Variants in KCNH5 observed in about 807,000 individuals in gnomAD.
KCNH5 encodes the protein voltage-gated delayed rectifier potassium channel KCNH5.
Under a neutral mutation model 96.1 loss-of-function variants are expected in KCNH5, and 46 were observed. The ratio of observed to expected loss-of-function variants is 0.48; its 90% CI spans 0.38 to 0.61. The LOEUF (loss-of-function observed/expected upper bound fraction) is 0.61, where lower values mean the gene tolerates loss of function less well. Among genes scored for constraint, KCNH5 ranks in the 20% least tolerant of loss-of-function variants. The pLI is 0.00. For synonymous variants in KCNH5, 439 were observed against 449.8 expected, an observed-to-expected ratio of 0.98 and a Z score of 0.30; for missense variants, 907 against 1,225.8, an observed-to-expected ratio of 0.74 and a Z score of 3.88.
intron 7 of KCNH5, among the ~76,000 whole-genome samples, chr14:62,854,160 C>CTTATTTAT (rs909671051): frequency 9.9e-5 from 15 of 151,952 alleles, no homozygotes; most frequent in African/African-American, 3.4e-4. Flanking sequence ...ACTTACATTA[C>CTTATTTAT]TTATTTATTT....
chr14:62,971,123 T>A (rs1462939021), intron 6 of KCNH5, among the ~76,000 whole-genome samples: 2 of 152,032 alleles, frequency 1.3e-5, no homozygotes, highest in African/African-American at 4.8e-5. Flanking sequence ...AAAATATGAA[T>A]AAATTGACCA....
At chr14:62,930,747 T>A (rs545381136) in intron 7 of KCNH5, among the ~76,000 whole-genome samples, 2 of 152,268 alleles carry the variant, frequency 1.3e-5, no homozygotes, top group Admixed American at 1.3e-4. Context: ...TTTTTTTAAA[T>A]TTAGTTCACA....
At chr14:62,911,773 A>G (rs1595681240) in intron 7 of KCNH5, among the ~76,000 whole-genome samples, 1 of 151,482 alleles carries the variant, frequency 6.6e-6, no homozygotes, top group East Asian at 1.9e-4. Context: ...ACGGTGGCTC[A>G]CACCTGTAAT....
chr14:62,779,947 T>C, intron 9 of KCNH5, 23 bp from the exon 10 acceptor site: 2 of 1,580,062 alleles, frequency 1.3e-6, no homozygotes, highest in Non-Finnish European at 1.7e-6. Flanking sequence ...ATAAGATACA[T>C]ATTCAAGTAT....
At chr14:62,892,957 T>G (rs1311722518) in intron 7 of KCNH5, among the ~76,000 whole-genome samples, 1 of 152,220 alleles carries the variant, frequency 6.6e-6, no homozygotes, top group Admixed American at 6.5e-5. Flanking sequence ...AATATTGTTT[T>G]CATACCTGCT....
At chr14:62,837,959 T>C (rs1403074919) in intron 8 of KCNH5, among the ~76,000 whole-genome samples, 1 of 152,166 alleles carries the variant, frequency 6.6e-6, no homozygotes, top group African/African-American at 2.4e-5. Flanking sequence ...GTTTCTCATT[T>C]AACAGTGACT....
intron 8 of KCNH5, among the ~76,000 whole-genome samples, chr14:62,849,153 TG>T (rs1223971320): frequency 2.0e-5 from 3 of 152,074 alleles, no homozygotes; most frequent in African/African-American, 7.2e-5. Flanking sequence ...TAAGGTAAAG[TG>T]GAAAATAAAG....
At chr14:62,937,178 G>T (rs1461223472) in intron 7 of KCNH5, among the ~76,000 whole-genome samples, 2 of 152,006 alleles carry the variant, frequency 1.3e-5, no homozygotes, top group Non-Finnish European at 2.9e-5. Context: ...GCAGTTGCTT[G>T]CCCTGAAAGC....
chr14:63,009,471 G>A (rs183134443), intron 2 of KCNH5, among the ~76,000 whole-genome samples: 97 of 147,964 alleles, frequency 6.6e-4, no homozygotes, highest in African/African-American at 2.3e-3. Context: ...TCCGAATGCG[G>A]TTTTTAAAAT....
chr14:62,709,639 G>C (rs1884528442), intron 10 of KCNH5, among the ~76,000 whole-genome samples: 2 of 152,272 alleles, frequency 1.3e-5, no homozygotes, highest in South Asian at 2.1e-4. Flanking sequence ...TGAGGGGTTA[G>C]ATATCCACAA....
intron 7 of KCNH5, among the ~76,000 whole-genome samples, chr14:62,894,496 C>T (rs1285660551): frequency 6.6e-6 from 1 of 152,192 alleles, no homozygotes; most frequent in Non-Finnish European, 1.5e-5. Context: ...AGATTCCCTC[C>T]ATCTCAAGTG....
chr14:62,967,710 A>G (rs1029773217), intron 6 of KCNH5, among the ~76,000 whole-genome samples: 2 of 152,178 alleles, frequency 1.3e-5, no homozygotes, highest in Admixed American at 6.5e-5. Context: ...CAAAACTATG[A>G]TTTCTCAAGC....
chr14:62,906,276 T>C (rs1445187128), intron 7 of KCNH5, among the ~76,000 whole-genome samples: 1 of 152,120 alleles, frequency 6.6e-6, no homozygotes, highest in South Asian at 2.1e-4. Flanking sequence ...ACAAATATAG[T>C]ATGTCTGTGT....
chr14:62,898,047 G>GT (rs1888850931), intron 7 of KCNH5, among the ~76,000 whole-genome samples: 1 of 152,172 alleles, frequency 6.6e-6, no homozygotes, highest in African/African-American at 2.4e-5. Flanking sequence ...CACCTGCTAA[G>GT]TATATGGCAT....
chr14:62,729,606 G>C (rs1264916312), intron 10 of KCNH5, among the ~76,000 whole-genome samples: 1 of 152,124 alleles, frequency 6.6e-6, no homozygotes, highest in East Asian at 1.9e-4. Context: ...CTGAGTTCTA[G>C]GTGTAAGAAG....
In KCNH5 at chr14:63,034,544, C is replaced by T. The variant is rs1891686942; in HGVS notation, c.73+10570G>A. On this transcript the variant is annotated intron_variant, in intron 1 of 10. Transcript: ENST00000322893. ...ACATACTTCGTACCTTCCACAATGA[C>T]ACTAATTATTACCCAATAATATTGG... 1.3e-5 allele frequency among the ~76,000 whole-genome samples: 2 copies of T among 152,212 alleles called. 1 individual carries two copies. The highest frequency in any genetic ancestry group is 4.1e-4 in the South Asian group (2 of 4,828).
chr14:62,781,306 A>T (rs1229980559), intron 9 of KCNH5, among the ~76,000 whole-genome samples: 2 of 152,332 alleles, frequency 1.3e-5, no homozygotes, highest in African/African-American at 4.8e-5. Context: ...AGGCAAGTGG[A>T]GGCAGGGCGA....
intron 9 of KCNH5, among the ~76,000 whole-genome samples, chr14:62,783,959 T>C (rs117283968): frequency 0.032 from 4,827 of 152,014 alleles, 148 homozygotes; most frequent in South Asian, 0.082. Context: ...AAAATTCTCT[T>C]GATAGAACCA....
chr14:62,797,440 G>T (rs576845913), intron 9 of KCNH5, among the ~76,000 whole-genome samples: 7 of 152,010 alleles, frequency 4.6e-5, no homozygotes, highest in Non-Finnish European at 1.0e-4. Context: ...TCACAGTTCC[G>T]CATCTACAAC....
Sources: gnomAD v4.1 joint callset for allele counts (sites outside exome capture counted in the v4.1 genomes callset) on GRCh38, gnomAD v4.1.1 for gene constraint, MANE v1.5 for transcripts, NCBI Gene and HGNC (gene_info 2026-07-23, HGNC 2026-07-21) for gene names.